Variants in NRXN1 observed in about 807,000 individuals in gnomAD.
The protein encoded by NRXN1 is neurexin 1, also known as neurexin-1.
NRXN1 carries 39 observed loss-of-function variants against 150.9 expected under a neutral mutation model. The ratio of observed to expected loss-of-function variants is 0.26; its 90% CI spans 0.20 to 0.34. The LOEUF is 0.34. Ranked by LOEUF, NRXN1 falls within the 10% of genes least tolerant of loss-of-function variation. NRXN1 has a pLI of 1.00. For missense variants in NRXN1, 1,815 were observed against 1,949.9 expected (o/e 0.93, Z 1.30); for synonymous variants, 924 against 757.0 (o/e 1.22, Z -3.62).
intron 5 of NRXN1, among the ~76,000 whole-genome samples, chr2:50,679,404 G>C (rs1173060070): frequency 3.3e-5 from 5 of 152,156 alleles, no homozygotes. Context: ...TTAGCAAGGA[G>C]CAAGGAAGAG....
At chr2:50,262,481 C>T (rs1427361366) in intron 17 of NRXN1, among the ~76,000 whole-genome samples, 2 of 151,912 alleles carry the variant, frequency 1.3e-5, no homozygotes, top group Non-Finnish European at 2.9e-5. Context: ...TCTATAATTA[C>T]TACTGTTATA....
chr2:50,761,086 G>A (rs569348804), intron 5 of NRXN1, among the ~76,000 whole-genome samples: 4 of 152,046 alleles, frequency 2.6e-5, no homozygotes, highest in Non-Finnish European at 4.4e-5. Context: ...TCTCTCTATC[G>A]CCTTGAAGGC....
chr2:50,093,906 A>C (rs1329765393), intron 18 of NRXN1, among the ~76,000 whole-genome samples: 1 of 152,182 alleles, frequency 6.6e-6, no homozygotes, highest in African/African-American at 2.4e-5. Flanking sequence ...CTGGTCCTTA[A>C]TCATTACACC....
rs577427073 is a variant in NRXN1, at chr2:50,841,092, T to C, written c.832+80777A>G. 3.3e-5 allele frequency: 5 copies of C among 152,726 alleles called. No individual in the cohort carries two copies. The East Asian group carries it at 9.7e-4, about 30-fold the overall frequency. 9.5% of individuals were successfully genotyped at this position (152,726 alleles called of 1,614,324 possible). On this transcript the variant is annotated intron_variant, in intron 5 of 22. Transcript: ENST00000401669. ...AATGTAGAAATAACTTCTATGCTCA[T>C]TTAGCCACTTCAGCACATCCAGGAA...
At chr2:50,532,450 A>G (rs1193847997) in intron 10 of NRXN1, among the ~76,000 whole-genome samples, 1 of 152,188 alleles carries the variant, frequency 6.6e-6, no homozygotes, top group Non-Finnish European at 1.5e-5. Context: ...TGATATTACC[A>G]AACAACAGAT....
chr2:50,496,501 A>G (rs926042584), intron 14 of NRXN1, among the ~76,000 whole-genome samples: 2 of 152,134 alleles, frequency 1.3e-5, no homozygotes, highest in Middle Eastern at 3.4e-3. Flanking sequence ...GGGAACGTGT[A>G]CTCATCCTTC....
intron 3 of NRXN1, among the ~76,000 whole-genome samples, chr2:50,924,322 A>C (rs1360225952): frequency 6.6e-6 from 1 of 151,716 alleles, no homozygotes; most frequent in East Asian, 1.9e-4. Flanking sequence ...AGAAATATTA[A>C]AATTATGATT....
At chr2:50,136,303 G>T (rs896615911) in intron 18 of NRXN1, among the ~76,000 whole-genome samples, 25 of 152,074 alleles carry the variant, frequency 1.6e-4, no homozygotes, top group African/African-American at 6.0e-4. Flanking sequence ...AAATGAGCTG[G>T]GTTAAGTATC....
At chr2:50,257,415 C>G (rs2067806843) in intron 17 of NRXN1, among the ~76,000 whole-genome samples, 2 of 152,052 alleles carry the variant, frequency 1.3e-5, no homozygotes, top group Admixed American at 1.3e-4. Context: ...ACACAAGCCC[C>G]TCAGCTTGAA....
intron 5 of NRXN1, among the ~76,000 whole-genome samples, chr2:50,906,142 C>A (rs2104013120): frequency 6.6e-6 from 1 of 152,214 alleles, no homozygotes; most frequent in East Asian, 1.9e-4. Context: ...CTATTCTCTA[C>A]CACACTTTTT....
chr2:50,347,436 C>A lies in NRXN1; in HGVS notation c.3365-110466G>T. On this transcript the variant is annotated intron_variant, in intron 17 of 22. Transcript: ENST00000401669. The surrounding 1 kb of genome is among the most constrained non-coding windows in gnomAD (Gnocchi z 4.9). Reference sequence around the variant, plus strand: ...TGTGCGGGGACTAGGGAGGCCACTTCGCCGGCCCAACCTCCTTTCAAGACA... The same window carrying A: ...TGTGCGGGGACTAGGGAGGCCACTTAGCCGGCCCAACCTCCTTTCAAGACA... The A allele has an allele frequency of 8.8e-7, 1 of 1,139,322 alleles. No homozygotes were observed. 70.6% of individuals were successfully genotyped at this position (1,139,322 alleles called of 1,614,324 possible). A position where few individuals can be genotyped will look rare whatever the true frequency, so the allele number is the denominator to read the frequency against.
chr2:50,322,834 G>T (rs981461897), intron 17 of NRXN1, among the ~76,000 whole-genome samples: 3 of 152,126 alleles, frequency 2.0e-5, no homozygotes, highest in African/African-American at 7.2e-5. Flanking sequence ...CTTGACACCA[G>T]TGTTTTCTCT....
chr2:50,738,269 T>C (rs1281349085), intron 5 of NRXN1, among the ~76,000 whole-genome samples: 1 of 152,212 alleles, frequency 6.6e-6, no homozygotes, highest in Non-Finnish European at 1.5e-5. Context: ...CACTGCATCA[T>C]CAAACTGCAT....
chr2:50,697,857 G>C (rs1015567657), intron 5 of NRXN1, among the ~76,000 whole-genome samples: 1 of 151,774 alleles, frequency 6.6e-6, no homozygotes, highest in Non-Finnish European at 1.5e-5. Context: ...ATTTACCTTG[G>C]TGCTTTGTAC....
intron 21 of NRXN1, among the ~76,000 whole-genome samples, chr2:49,962,518 C>G (rs538813860): frequency 4.1e-4 from 63 of 152,296 alleles, no homozygotes; most frequent in African/African-American, 1.5e-3. Flanking sequence ...TAAGTTTTGA[C>G]TAAGAGTTCT....
chr2:50,646,708 C>CATTT (rs1553923404), intron 5 of NRXN1, among the ~76,000 whole-genome samples: 1 of 107,436 alleles, frequency 9.3e-6, no homozygotes, highest in African/African-American at 3.5e-5. Context: ...TTCATGTTGT[C>CATTT]TTTTTTTTTT....
At chr2:50,204,599 T>C (rs1288148291) in intron 18 of NRXN1, among the ~76,000 whole-genome samples, 2 of 152,064 alleles carry the variant, frequency 1.3e-5, no homozygotes, top group Non-Finnish European at 2.9e-5. Flanking sequence ...AATTGATATT[T>C]TAGTTGTGTG....
intron 21 of NRXN1, among the ~76,000 whole-genome samples, chr2:50,029,357 C>T (rs1688849229): frequency 6.6e-6 from 1 of 152,114 alleles, no homozygotes. Context: ...GTGAAGCAGT[C>T]ACTACGGACT....
chr2:50,738,891 CAAG>C (rs1359780991), intron 5 of NRXN1, among the ~76,000 whole-genome samples: 1 of 152,096 alleles, frequency 6.6e-6, no homozygotes, highest in Non-Finnish European at 1.5e-5. Flanking sequence ...GGATGCATAG[CAAG>C]AAGAGTTCTG....
Sources: allele counts gnomAD v4.1 joint callset (sites outside exome capture counted in the v4.1 genomes callset), GRCh38; gene constraint gnomAD v4.1.1; non-coding constraint Gnocchi (gnomAD v3.1); transcripts MANE v1.5; gene names NCBI Gene and HGNC (gene_info 2026-07-23, HGNC 2026-07-21).